The following ARID1A variants were observed in gnomAD, a reference collection of about 807,000 sequenced individuals.
ARID1A encodes AT-rich interactive domain-containing protein 1A.
In ARID1A, 20 loss-of-function variants were observed where a neutral mutation model predicts 212.6. The observed-to-expected ratio is 0.09, with a 90% CI of 0.07 to 0.14. The LOEUF (loss-of-function observed/expected upper bound fraction) is 0.14. ARID1A is among the 10% of genes least tolerant of loss of function. ARID1A has a pLI of 1.00. For missense variants in ARID1A, 2,587 were observed against 3,059.0 expected, an observed-to-expected ratio of 0.85 and a Z score of 3.64; for synonymous variants, 1,376 against 1,222.1, an observed-to-expected ratio of 1.13 and a Z score of -2.63.
In ARID1A at chr1:26,696,055, G is replaced by GCCAGGC. The variant is rs1385532601; in HGVS notation, c.-346_-341dup. 1.5e-6 allele frequency: 1 copy of GCCAGGC among 668,192 alleles called. No individual in the cohort carries two copies. The highest frequency in any genetic ancestry group is 1.9e-5 in the African/African-American group (1 of 51,512). The allele number at this position is 668,192 out of a possible 1,614,324, so 41.4% of individuals were successfully genotyped here. A position where few individuals can be genotyped will look rare whatever the true frequency, so the allele number is the denominator to read the frequency against. On this transcript the variant is annotated 5_prime_UTR_variant, in exon 1 of 20. Coordinates refer to ENST00000324856, the MANE Select transcript of ARID1A (RefSeq NM_006015.6). ...GCAGAAAGCGGAGAGTCACAGCGGG[G>GCCAGGC]CCAGGCCCTGGGGAGCGGAGCCTCC...
chr1:26,748,496 C>T (rs1312460649), intron 4 of ARID1A, among the ~76,000 whole-genome samples: 1 of 152,094 alleles, frequency 6.6e-6, no homozygotes, highest in Non-Finnish European at 1.5e-5. Flanking sequence ...AACTTCTTTG[C>T]CTTCTCTAGC....
In ARID1A at chr1:26,780,781, C is replaced by CGTGTGT. The variant is rs1553153821; in HGVS notation, c.*31_*36dup. 3.2e-6 allele frequency: 5 copies of CGTGTGT among 1,539,846 alleles called. No individual in the cohort carries two copies. Among genetic ancestry groups the CGTGTGT allele is most frequent in the Non-Finnish European group, 4.4e-6 (5 of 1,144,506 alleles). ...ACAGCCGTGGGACACCTCCCCCCCCCGTGTGTGTGTGCGTGTGTGGAGAAC... is the reference window on the plus strand; with the variant it reads ...ACAGCCGTGGGACACCTCCCCCCCCCGTGTGTGTGTGTGTGTGCGTGTGTGGAGAAC... On this transcript the variant is annotated 3_prime_UTR_variant, in exon 20 of 20. Transcript: ENST00000324856. The surrounding 1 kb of genome is among the most constrained non-coding windows in gnomAD (Gnocchi z 7.2).
intron 4 of ARID1A, among the ~76,000 whole-genome samples, chr1:26,749,692 T>C (rs1395164223): frequency 1.3e-5 from 2 of 152,230 alleles, no homozygotes; most frequent in African/African-American, 2.4e-5. Flanking sequence ...GATTGAAATT[T>C]CTCCAGTGAC....
chr1:26,763,662 G>T (rs761159811), intron 8 of ARID1A, among the ~76,000 whole-genome samples: 1 of 152,178 alleles, frequency 6.6e-6, no homozygotes, highest in African/African-American at 2.4e-5. Flanking sequence ...CCCGGCTATC[G>T]GGAGGCTGAG....
At position 26,775,144 on chromosome 1, in the gene ARID1A, C is replaced by T. The variant is rs2124123640; in HGVS notation, c.4917C>T (p.Ile1639=). The T allele has an allele frequency of 1.9e-6, 3 of 1,613,660 alleles. No homozygotes were observed. Among genetic ancestry groups the T allele is most frequent in the Non-Finnish European group, 2.5e-6 (3 of 1,179,874 alleles). ...PVQPPMIRRD[I]TFPPGSVEAT... is the part of the protein sequence containing the mutation. Reference sequence around the variant, plus strand: ...AGCCCCCCATGATTCGGCGGGATATCACCTTCCCACCTGGCTCTGTTGAAG... The same window carrying T: ...AGCCCCCCATGATTCGGCGGGATATTACCTTCCCACCTGGCTCTGTTGAAG... The change falls in exon 18 of 20, where the codon ATC becomes ATT. Residue 1639 remains isoleucine, a synonymous_variant. Transcript: ENST00000324856.
At chr1:26,716,377 T>C (rs907880967) in intron 1 of ARID1A, among the ~76,000 whole-genome samples, 4 of 152,130 alleles carry the variant, frequency 2.6e-5, no homozygotes, top group African/African-American at 7.2e-5. Flanking sequence ...GGGAAAAATA[T>C]GTAAGCAGAT....
chr1:26,709,890 T>G (rs1387049443), intron 1 of ARID1A, among the ~76,000 whole-genome samples: 1 of 151,180 alleles, frequency 6.6e-6, no homozygotes, highest in Non-Finnish European at 1.5e-5. Flanking sequence ...TGAAGTGCAG[T>G]GGCATGATCT....
intron 4 of ARID1A, among the ~76,000 whole-genome samples, chr1:26,756,865 G>T (rs2080943282): frequency 6.6e-6 from 1 of 151,790 alleles, no homozygotes; most frequent in Admixed American, 6.6e-5. Flanking sequence ...ACCACGTCTG[G>T]CTAATTTTTT....
rs397860721 is a variant in ARID1A at position 26,708,266 on chromosome 1, C to CTTTTTTTTTTTTTT, written c.1137+10749_1137+10762dup. On this transcript the variant is annotated intron_variant, in intron 1 of 19. Coordinates refer to ENST00000324856, the MANE Select transcript of ARID1A (RefSeq NM_006015.6). ...TCAGCCTTTAAGATACAGTCCTTCA[C>CTTTTTTTTTTTTTT]TTTTTTTTTTTTTTTTTTTTTTTTT... Among the ~76,000 whole-genome samples, 30 of 23,754 alleles carry CTTTTTTTTTTTTTT rather than the reference C, an allele frequency of 1.3e-3. 8 individuals carry two copies. The highest frequency in any genetic ancestry group is 1.8e-3 in the African/African-American group (11 of 6,012). The allele number at this position is 23,754 out of a possible 152,430, so 15.6% of individuals were successfully genotyped here. A position where few individuals can be genotyped will look rare whatever the true frequency, so the allele number is the denominator to read the frequency against.
rs2124740327 is a variant in ARID1A at position 26,696,531 on chromosome 1, C to T, written c.128C>T (p.Ala43Val). 5.7e-6 allele frequency: 7 copies of T among 1,226,324 alleles called. No individual in the cohort carries two copies. The highest frequency in any genetic ancestry group is 7.1e-6 in the Non-Finnish European group (7 of 986,662). The allele number at this position is 1,226,324 out of a possible 1,614,324, so 76.0% of individuals were successfully genotyped here. Residue 43 changes from alanine (A) to valine (V), a missense_variant, in exon 1 of 20, where the codon GCA becomes GTA. Coordinates refer to ENST00000324856, the MANE Select transcript of ARID1A (RefSeq NM_006015.6). ...EEAGGEAAAA[A>V]AAERGEMKAA... ...GCGGGGGGCGAGGCGGCGGCGGCGGCAGCGGCCGAGCGCGGGGAAATGAAG... is the reference window on the plus strand; with the variant it reads ...GCGGGGGGCGAGGCGGCGGCGGCGGTAGCGGCCGAGCGCGGGGAAATGAAG...
chr1:26,758,483 G>C (rs1483087804), intron 4 of ARID1A, among the ~76,000 whole-genome samples: 4 of 152,156 alleles, frequency 2.6e-5, no homozygotes, highest in African/African-American at 4.8e-5. Flanking sequence ...GCCAGATGTG[G>C]TGGTGCGTGC....
Position 26,729,753 on chromosome 1 carries a change from G to A in ARID1A, c.1240G>A (p.Gly414Arg). ...GGGACCTCCGTCAGGACCGCAGCAA[G>A]GACATGGGTACCCAGGGCAGCCATA... is the stretch of plus-strand genomic sequence containing the variant. ...QQGPPSGPQQ[G>R]HGYPGQPYGS... Residue 414 changes from glycine to arginine, a missense_variant, in exon 2 of 20, where the codon GGA becomes AGA. This residue lies in a region of ARID1A where 674 missense variants were observed against 813.4 expected (regional missense o/e 0.83). Coordinates refer to ENST00000324856, the MANE Select transcript of ARID1A (RefSeq NM_006015.6). 3 of 1,614,232 alleles carry A rather than the reference G, an allele frequency of 1.9e-6. No individual in the cohort carries two copies. The highest frequency in any genetic ancestry group is 2.5e-6 in the Non-Finnish European group (3 of 1,180,040).
At position 26,781,538 on chromosome 1, in the gene ARID1A, G is replaced by A. The variant is rs1200457346; in HGVS notation, c.*782G>A. 1 of 232,768 alleles carries A rather than the reference G, an allele frequency of 4.3e-6. No homozygotes were observed. The highest frequency in any genetic ancestry group is 2.2e-5 in the African/African-American group (1 of 45,190). The allele number at this position is 232,768 out of a possible 1,614,324, so 14.4% of individuals were successfully genotyped here. A position where few individuals can be genotyped will look rare whatever the true frequency, so the allele number is the denominator to read the frequency against. On this transcript the variant is annotated 3_prime_UTR_variant, in exon 20 of 20. Transcript: ENST00000324856. The stretch of plus-strand genomic sequence containing the variant: ...TGACCTCTTTCTCTCCTCCTTGATT[G>A]TATGAATAACCCTGAGATCACCTCT...
chr1:26,725,803 G>C (rs1467684610), intron 1 of ARID1A, among the ~76,000 whole-genome samples: 2 of 151,094 alleles, frequency 1.3e-5, no homozygotes, highest in African/African-American at 4.9e-5. Context: ...TTTTTAAGCA[G>C]TGTATATGAG....
At chr1:26,740,582 A>G (rs1570584818) in intron 4 of ARID1A, among the ~76,000 whole-genome samples, 1 of 152,320 alleles carries the variant, frequency 6.6e-6, no homozygotes, top group African/African-American at 2.4e-5. Flanking sequence ...AGTAACAGGA[A>G]GGAAAGCTAG....
chr1:26,742,549 T>C (rs780722750), intron 4 of ARID1A, among the ~76,000 whole-genome samples: 1 of 152,196 alleles, frequency 6.6e-6, no homozygotes, highest in Non-Finnish European at 1.5e-5. Flanking sequence ...GCTAGAAATG[T>C]AGATTTTCAG....
intron 10 of ARID1A, among the ~76,000 whole-genome samples, chr1:26,766,809 A>G (rs1391758652): frequency 6.6e-6 from 1 of 152,150 alleles, no homozygotes; most frequent in Non-Finnish European, 1.5e-5. Context: ...GCTGTTTGTT[A>G]TGGGGGAAAT....
At position 26,774,147 on chromosome 1, in the gene ARID1A, A is replaced by AG; in HGVS notation, c.4102-179dup. On this transcript the variant is annotated intron_variant, in intron 17 of 19. Coordinates refer to ENST00000324856, the MANE Select transcript of ARID1A (RefSeq NM_006015.6). The surrounding 1 kb of genome is among the most constrained non-coding windows in gnomAD (Gnocchi z 5.6). ...TATATTTTTCTACTTAAGCAAGGGA[A>AG]GGGAAGAAAGAGTGGTGGTTGCTTT... 8.0e-7 allele frequency: 1 copy of AG among 1,249,750 alleles called. No individual in the cohort carries two copies. Among genetic ancestry groups the AG allele is most frequent in the Non-Finnish European group, 1.1e-6 (1 of 926,510 alleles). The allele number at this position is 1,249,750 out of a possible 1,614,324, so 77.4% of individuals were successfully genotyped here. A position where few individuals can be genotyped will look rare whatever the true frequency, so the allele number is the denominator to read the frequency against.
rs377673073 is a variant in ARID1A, at chr1:26,774,778, C to G, written c.4551C>G (p.Ala1517=). 6.2e-7 allele frequency: 1 copy of G among 1,614,182 alleles called. No homozygotes were observed. The highest frequency in any genetic ancestry group is 8.5e-7 in the Non-Finnish European group (1 of 1,180,032). Residue 1517 remains alanine, a synonymous_variant, in exon 18 of 20, where the codon GCC becomes GCG. Coordinates refer to ENST00000324856, the MANE Select transcript of ARID1A (RefSeq NM_006015.6). This position sits in a 1 kb window ranked among gnomAD's most constrained non-coding sequence, Gnocchi z 5.6. ...CCAACAGGCAGAGCACGGGCTCTGC[C>G]CCCCAGGGCCCCGCCTATCATGGCG... The part of the protein sequence containing the change: ...NYANRQSTGS[A]PQGPAYHGVN...
Sources: allele counts gnomAD v4.1 joint callset (sites outside exome capture counted in the v4.1 genomes callset), GRCh38; gene constraint gnomAD v4.1.1; regional missense constraint gnomAD v4.1.1; non-coding constraint Gnocchi (gnomAD v3.1); transcripts MANE v1.5; gene names NCBI Gene and HGNC (gene_info 2026-07-23, HGNC 2026-07-21).